AKAP19: variants seen among roughly 807,000 people sequenced by gnomAD.
AKAP19 encodes the protein small A-kinase anchoring protein.
At chr2:190,126,289 C>CAAAAAAAAGAAAAAAAAAAAAAAAA in the AKAP19 span, among the ~76,000 whole-genome samples, 1 of 31,300 alleles carries the variant, frequency 3.2e-5, no homozygotes, top group African/African-American at 9.6e-5. Flanking sequence ...GATTCCATCT[C>CAAAAAAAAGAAAAAAAAAAAAAAAA]AAAAAAAAAA....
the AKAP19 span, among the ~76,000 whole-genome samples, chr2:190,005,518 G>A: frequency 2.0e-5 from 3 of 152,204 alleles, no homozygotes; most frequent in Non-Finnish European, 4.4e-5. Context: ...CTTCTCCTCA[G>A]CCTCATTCCA....
chr2:190,096,980 G>T, the AKAP19 span, among the ~76,000 whole-genome samples: 1 of 152,070 alleles, frequency 6.6e-6, no homozygotes, highest in Admixed American at 6.6e-5. Context: ...TGTTACACTG[G>T]GATTAAGTTT....
At chr2:190,200,902 C>CTT in the AKAP19 span, 3 of 166,982 alleles carry the variant, frequency 1.8e-5, no homozygotes, top group Non-Finnish European at 4.4e-5. Context: ...TCCAATAAAT[C>CTT]TTAAAAATAA....
chr2:190,161,850 A>T, the AKAP19 span, among the ~76,000 whole-genome samples: 1 of 152,184 alleles, frequency 6.6e-6, no homozygotes, highest in East Asian at 1.9e-4. Flanking sequence ...TGAGTTTATT[A>T]TCTGGAACTA....
the AKAP19 span, among the ~76,000 whole-genome samples, chr2:190,178,845 TAA>T: frequency 6.6e-6 from 1 of 152,236 alleles, no homozygotes; most frequent in East Asian, 1.9e-4. The surrounding 1 kb of genome is among the most constrained non-coding windows in gnomAD (Gnocchi z 6.3). Flanking sequence ...CACAAATTTC[TAA>T]GTGTCTCCTC....
chr2:190,025,414 T>C, the AKAP19 span, among the ~76,000 whole-genome samples: 16 of 152,290 alleles, frequency 1.1e-4, no homozygotes, highest in African/African-American at 3.8e-4. Context: ...TTTGAGAACA[T>C]TCACATATGA....
At chr2:190,060,748 T>TA in the AKAP19 span, among the ~76,000 whole-genome samples, 2 of 151,930 alleles carry the variant, frequency 1.3e-5, no homozygotes, top group Non-Finnish European at 2.9e-5. Flanking sequence ...TGATGATGAT[T>TA]AGAGAGAACA....
At chr2:190,105,606 G>A in the AKAP19 span, among the ~76,000 whole-genome samples, 2 of 152,148 alleles carry the variant, frequency 1.3e-5, no homozygotes, top group Non-Finnish European at 2.9e-5. Context: ...ATCTCTGTCT[G>A]AAATAATCCA....
the AKAP19 span, among the ~76,000 whole-genome samples, chr2:190,169,023 T>A: frequency 0.52 from 79,812 of 152,046 alleles, 21,739 homozygotes; most frequent in African/African-American, 0.66. Flanking sequence ...GTGTTAGTCC[T>A]TTTATGCTGC....
At chr2:190,188,087 CAG>C in the AKAP19 span, among the ~76,000 whole-genome samples, 1 of 152,054 alleles carries the variant, frequency 6.6e-6, no homozygotes, top group South Asian at 2.1e-4. Flanking sequence ...GGGTAGGAGA[CAG>C]AGGGAGAGGG....
chr2:189,925,569 G>A, the AKAP19 span, among the ~76,000 whole-genome samples: 1 of 152,154 alleles, frequency 6.6e-6, no homozygotes, highest in Non-Finnish European at 1.5e-5. Context: ...ACATCCAACT[G>A]GACATGTCCA....
At chr2:189,899,287 A>G in the AKAP19 span, among the ~76,000 whole-genome samples, 16 of 152,176 alleles carry the variant, frequency 1.1e-4, no homozygotes, top group African/African-American at 3.4e-4. Context: ...CAGTTTTTAT[A>G]GCTTAGTGAT....
the AKAP19 span, among the ~76,000 whole-genome samples, chr2:190,177,143 A>G: frequency 6.6e-6 from 1 of 152,058 alleles, no homozygotes; most frequent in African/African-American, 2.4e-5. The surrounding 1 kb of genome is among the most constrained non-coding windows in gnomAD (Gnocchi z 4.6). Context: ...CTGTCTCCTC[A>G]GTAAGTTTAT....
chr2:190,012,970 A>G, the AKAP19 span, among the ~76,000 whole-genome samples: 11 of 152,092 alleles, frequency 7.2e-5, no homozygotes, highest in Non-Finnish European at 1.3e-4. Flanking sequence ...ACTTGAATAT[A>G]TTGAGTGATC....
At chr2:189,966,308 T>C in the AKAP19 span, among the ~76,000 whole-genome samples, 1 of 151,920 alleles carries the variant, frequency 6.6e-6, no homozygotes, top group South Asian at 2.1e-4. Flanking sequence ...TGTAAACAAA[T>C]ACCACCTGTT....
the AKAP19 span, among the ~76,000 whole-genome samples, chr2:190,148,819 T>C: frequency 6.6e-6 from 1 of 152,198 alleles, no homozygotes; most frequent in African/African-American, 2.4e-5. Flanking sequence ...TAGCCTTGAA[T>C]TATCTTTTGT....
At chr2:190,105,509 C>T in the AKAP19 span, among the ~76,000 whole-genome samples, 4 of 152,176 alleles carry the variant, frequency 2.6e-5, no homozygotes, top group Non-Finnish European at 5.9e-5. Context: ...TTATTTCTTA[C>T]CTAGCCAGTT....
chr2:190,023,795 G>GTATATATATATATA, the AKAP19 span, among the ~76,000 whole-genome samples: 14 of 142,828 alleles, frequency 9.8e-5, no homozygotes, highest in African/African-American at 2.8e-4. Flanking sequence ...ATGTGTGTGT[G>GTATATATATATATA]TATATATATA....
the AKAP19 span, among the ~76,000 whole-genome samples, chr2:190,034,856 C>CAAAA: frequency 1.3e-4 from 9 of 68,590 alleles, no homozygotes; most frequent in African/African-American, 3.1e-4. Context: ...CCTGTCTCAC[C>CAAAA]AAAAAAAAAA....
Sources: gnomAD v4.1 joint callset for allele counts (sites outside exome capture counted in the v4.1 genomes callset) on GRCh38, gnomAD v4.1.1 for gene constraint, Gnocchi (gnomAD v3.1) non-coding constraint, MANE v1.5 for transcripts, NCBI Gene and HGNC (gene_info 2026-07-23, HGNC 2026-07-21) for gene names.